LRRIQ1: variants seen among roughly 807,000 people sequenced by gnomAD.
LRRIQ1 encodes leucine rich repeats and IQ motif containing 1.
In LRRIQ1, 210 loss-of-function variants were observed where a neutral mutation model predicts 211.9. The observed-to-expected ratio is 0.99, with a 90% CI of 0.89 to 1.11. LRRIQ1 has a LOEUF of 1.11. Among genes scored for constraint, LRRIQ1 ranks in the 50% most tolerant of loss-of-function variants. The probability of loss-of-function intolerance (pLI) is 0.00; values close to 1 mark genes in which losing one functional copy is unlikely to be tolerated. For synonymous variants in LRRIQ1, 699 were observed against 650.1 expected, an observed-to-expected ratio of 1.08 and a Z score of -1.14; for missense variants, 2,136 against 1,939.5, an observed-to-expected ratio of 1.10 and a Z score of -1.90.
At chr12:85,163,298 T>C (rs921845241) in intron 24 of LRRIQ1, among the ~76,000 whole-genome samples, 3 of 152,144 alleles carry the variant, frequency 2.0e-5, no homozygotes, top group African/African-American at 7.2e-5. Context: ...GAAGATCTTT[T>C]ATTCCTTAAG....
chr12:85,239,309 C>T (rs1895347837), intron 26 of LRRIQ1, among the ~76,000 whole-genome samples: 1 of 151,370 alleles, frequency 6.6e-6, no homozygotes, highest in East Asian at 1.9e-4. Flanking sequence ...TCGTGCTACA[C>T]AGAATTCAAG....
chr12:85,159,866 T>C (rs1280582221), intron 23 of LRRIQ1, among the ~76,000 whole-genome samples: 3 of 151,984 alleles, frequency 2.0e-5, no homozygotes, highest in Non-Finnish European at 4.4e-5. Flanking sequence ...AAGAAACATT[T>C]AATAACACCT....
Position 85,098,896 on chromosome 12 carries a change from A to G in LRRIQ1, c.3111A>G (p.Leu1037=). Reference sequence around the variant, plus strand: ...CATCCTTGGAGAATCTTGTTTTACTAAGAGAATTGCACTTGGATGATAACA... The same window carrying G: ...CATCCTTGGAGAATCTTGTTTTACTGAGAGAATTGCACTTGGATGATAACA... The part of the protein sequence containing the change: ...ELPSLENLVL[L]RELHLDDNSI... Residue 1037 remains leucine (L), a synonymous_variant, in exon 13 of 27, where the codon CTA becomes CTG. Transcript: ENST00000393217. 2.6e-6 allele frequency: 4 copies of G among 1,561,306 alleles called. No individual in the cohort carries two copies. The highest frequency in any genetic ancestry group is 3.5e-6 in the Non-Finnish European group (4 of 1,153,136).
chr12:85,176,114 G>A (rs1350116485), intron 24 of LRRIQ1, among the ~76,000 whole-genome samples: 2 of 152,028 alleles, frequency 1.3e-5, no homozygotes, highest in African/African-American at 2.4e-5. Flanking sequence ...CCATTTTCAC[G>A]ATACTGATTC....
chr12:85,143,947 T>C (rs1315162149), intron 19 of LRRIQ1, among the ~76,000 whole-genome samples: 1 of 151,604 alleles, frequency 6.6e-6, no homozygotes, highest in Admixed American at 6.6e-5. Context: ...CAGGGGTACA[T>C]GTGCAGCTTT....
At chr12:85,128,961 G>A (rs547864662) in intron 18 of LRRIQ1, among the ~76,000 whole-genome samples, 1 of 152,078 alleles carries the variant, frequency 6.6e-6, no homozygotes, top group South Asian at 2.1e-4. Context: ...TCTCGTCTGG[G>A]GCTTGGGTCC....
At chr12:85,267,196 A>G (rs959094155), downstream of LRRIQ1, among the ~76,000 whole-genome samples, 4 of 152,138 alleles carry the variant, frequency 2.6e-5, no homozygotes, top group South Asian at 2.1e-4. Context: ...GCATTGTCCA[A>G]TGTAAGTATG....
rs540406890 is a variant in LRRIQ1 at position 85,149,744 on chromosome 12, G to A, written c.4330-2536G>A. 8.0e-3 allele frequency among the ~76,000 whole-genome samples: 1,213 copies of A among 151,346 alleles called. 18 individuals are homozygous for A. Among genetic ancestry groups the A allele is most frequent in the African/African-American group, 0.028 (1,154 of 41,256 alleles). Reference sequence around the variant, plus strand: ...TGTCTTGGTAACATATTTTTGTTGCGATTATATAATTACCAAAAGCATCTT... The same window carrying A: ...TGTCTTGGTAACATATTTTTGTTGCAATTATATAATTACCAAAAGCATCTT... On this transcript the variant is annotated intron_variant, in intron 19 of 26. Transcript: ENST00000393217.
chr12:85,066,669 T>G, intron 9 of LRRIQ1, 79 bp from the exon 10 acceptor site: 1 of 1,141,762 alleles, frequency 8.8e-7, no homozygotes. Context: ...CTCATCTTTC[T>G]TTCCTCTTTT....
intron 1 of LRRIQ1, among the ~76,000 whole-genome samples, chr12:85,250,949 T>A (rs1424450750): frequency 8.9e-6 from 1 of 111,866 alleles, no homozygotes; most frequent in African/African-American, 3.6e-5. Flanking sequence ...TAATATATTT[T>A]ATATATTATA....
chr12:85,225,164 A>G (rs1441301319), intron 24 of LRRIQ1, among the ~76,000 whole-genome samples: 1 of 152,138 alleles, frequency 6.6e-6, no homozygotes, highest in African/African-American at 2.4e-5. Flanking sequence ...TAAAAAAATT[A>G]GTATAACAGT....
intron 24 of LRRIQ1, among the ~76,000 whole-genome samples, chr12:85,175,149 T>G (rs1891628848): frequency 6.6e-6 from 1 of 152,172 alleles, no homozygotes; most frequent in South Asian, 2.1e-4. Context: ...TTATTTCCCT[T>G]GCAATCTTGC....
At chr12:85,266,201 A>C (rs1896415211), downstream of LRRIQ1, among the ~76,000 whole-genome samples, 1 of 152,086 alleles carries the variant, frequency 6.6e-6, no homozygotes, top group African/African-American at 2.4e-5. Flanking sequence ...AATCTATTTC[A>C]TATCAGGTTT....
intron 8 of LRRIQ1, among the ~76,000 whole-genome samples, chr12:85,059,486 T>G (rs1881528341): frequency 6.6e-6 from 1 of 152,034 alleles, no homozygotes. Flanking sequence ...TCCCTGCCGT[T>G]GCCTGACATT....
At chr12:85,231,031 G>A (rs1894913645) in intron 25 of LRRIQ1, among the ~76,000 whole-genome samples, 1 of 151,384 alleles carries the variant, frequency 6.6e-6, no homozygotes. Flanking sequence ...CTGGGCGACA[G>A]AGCCAGACTC....
At chr12:85,058,125 G>A (rs1881347278) in intron 8 of LRRIQ1, among the ~76,000 whole-genome samples, 1 of 151,998 alleles carries the variant, frequency 6.6e-6, no homozygotes, top group Admixed American at 6.6e-5. Flanking sequence ...TGGATCTTGA[G>A]AATTGCTGTA....
intron 19 of LRRIQ1, among the ~76,000 whole-genome samples, chr12:85,146,689 C>T (rs541620945): frequency 1.3e-5 from 2 of 151,778 alleles, no homozygotes; most frequent in Non-Finnish European, 2.9e-5. Context: ...TATAACTTCA[C>T]CATTTTTCTA....
chr12:85,055,768 A>G lies in LRRIQ1; in HGVS notation c.975A>G (p.Glu325=). The change falls in exon 8 of 27, where the codon GAA becomes GAG. Residue 325 remains glutamate (E), a synonymous_variant. Transcript: ENST00000393217. ...KRKAQEWKEK[E]AKIRQKEEEN... is the part of the protein sequence containing the mutation. ...AAGCACAAGAGTGGAAGGAAAAGGA[A>G]GCAAAAATACGACAAAAGGAGGAAG... 1.9e-6 allele frequency: 3 copies of G among 1,608,848 alleles called. No individual in the cohort carries two copies. The highest frequency in any genetic ancestry group is 2.5e-6 in the Non-Finnish European group (3 of 1,177,078).
At chr12:85,123,075 A>T (rs1289472381) in intron 16 of LRRIQ1, among the ~76,000 whole-genome samples, 1 of 151,894 alleles carries the variant, frequency 6.6e-6, no homozygotes, top group East Asian at 1.9e-4. Flanking sequence ...GTAACCATAA[A>T]CACTTAATAT....
Sources: gnomAD v4.1 joint callset for allele counts (sites outside exome capture counted in the v4.1 genomes callset) on GRCh38, gnomAD v4.1.1 for gene constraint, MANE v1.5 for transcripts, NCBI Gene and HGNC (gene_info 2026-07-23, HGNC 2026-07-21) for gene names.